Variants in PLCL2 observed in about 807,000 individuals in gnomAD.
PLCL2 encodes inactive phospholipase C-like protein 2.
A neutral mutation model predicts 79.6 loss-of-function variants in PLCL2; 4 were observed. The ratio of observed to expected loss-of-function variants is 0.05; its 90% CI spans 0.02 to 0.11. PLCL2 has a LOEUF of 0.11. Ranked by LOEUF, PLCL2 falls within the 10% of genes least tolerant of loss-of-function variation. The pLI is 1.00. For missense variants in PLCL2, 895 were observed against 1,291.0 expected, an observed-to-expected ratio of 0.69 and a Z score of 4.70; for synonymous variants, 484 against 457.7, an observed-to-expected ratio of 1.06 and a Z score of -0.73.
chr3:16,966,835 T>A (rs953042641), intron 1 of PLCL2, among the ~76,000 whole-genome samples: 2 of 152,116 alleles, frequency 1.3e-5, no homozygotes, highest in Admixed American at 1.3e-4. Flanking sequence ...AGTTCAGAGG[T>A]CACGGGAGTT....
At chr3:16,926,478 ATTG>A (rs1161159831) in intron 1 of PLCL2, among the ~76,000 whole-genome samples, 1 of 152,120 alleles carries the variant, frequency 6.6e-6, no homozygotes, top group Admixed American at 6.5e-5. Context: ...AATGTTAACT[ATTG>A]TTATTATTAT....
chr3:16,951,762 A>T (rs937704536), intron 1 of PLCL2, among the ~76,000 whole-genome samples: 1 of 151,998 alleles, frequency 6.6e-6, no homozygotes, highest in Non-Finnish European at 1.5e-5. Flanking sequence ...TTTTACTTTG[A>T]CCTAAAAGTT....
In PLCL2 at chr3:17,082,139, G is replaced by GTTTT. The variant is rs58877063; in HGVS notation, c.3205-7576_3205-7573dup. Among the ~76,000 whole-genome samples, 820 of 101,254 alleles carry GTTTT rather than the reference G, an allele frequency of 8.1e-3. 39 individuals carry two copies. In the East Asian group the frequency reaches 0.12, roughly 15 times the overall value. 66.4% of individuals were successfully genotyped at this position (101,254 alleles called of 152,430 possible). ...AACAAACACCCCCACCTCTTTCAGAGTTTTTTTTTTTTTTTTTTTTTGAGA... is the reference window on the plus strand; with the variant it reads ...AACAAACACCCCCACCTCTTTCAGAGTTTTTTTTTTTTTTTTTTTTTTTTTGAGA... On this transcript the variant is annotated intron_variant, in intron 5 of 5. Transcript: ENST00000615277.
At chr3:16,901,914 G>C (rs1311648322) in intron 1 of PLCL2, among the ~76,000 whole-genome samples, 1 of 152,180 alleles carries the variant, frequency 6.6e-6, no homozygotes, top group Non-Finnish European at 1.5e-5. Flanking sequence ...AGGGCTGTCT[G>C]TGCCACACAG....
chr3:17,085,138 GA>G (rs56675312), intron 5 of PLCL2, among the ~76,000 whole-genome samples: 19 of 150,070 alleles, frequency 1.3e-4, no homozygotes, highest in African/African-American at 1.7e-4. Context: ...CTTTTTTTAA[GA>G]AAAAAAAAAT....
intron 4 of PLCL2, among the ~76,000 whole-genome samples, chr3:17,064,501 T>G (rs1273994761): frequency 6.6e-6 from 1 of 152,224 alleles, no homozygotes; most frequent in East Asian, 1.9e-4. Flanking sequence ...GTATGTGAAG[T>G]GCCTGGTAAG....
intron 1 of PLCL2, among the ~76,000 whole-genome samples, chr3:16,941,523 G>C (rs1348608378): frequency 6.6e-6 from 1 of 152,170 alleles, no homozygotes. Flanking sequence ...GCCTGTCACA[G>C]TATGTGCTGT....
chr3:17,070,162 G>A (rs926836648), intron 5 of PLCL2, among the ~76,000 whole-genome samples: 2 of 152,114 alleles, frequency 1.3e-5, no homozygotes, highest in Non-Finnish European at 2.9e-5. Context: ...GGGCCTCAGA[G>A]GGGAACTTGT....
intron 1 of PLCL2, among the ~76,000 whole-genome samples, chr3:16,994,371 A>T (rs1036975734): frequency 8.6e-5 from 13 of 151,166 alleles, no homozygotes; most frequent in Non-Finnish European, 1.5e-4. Flanking sequence ...GCTTTTAATT[A>T]AAAAAAAATG....
chr3:17,013,517 TTAAA>T (rs2064351139), intron 2 of PLCL2, among the ~76,000 whole-genome samples: 1 of 152,202 alleles, frequency 6.6e-6, no homozygotes, highest in Admixed American at 6.5e-5. Flanking sequence ...GAACTGCACT[TTAAA>T]TATCACAGTC....
chr3:16,964,798 G>A (rs1223199233), intron 1 of PLCL2, among the ~76,000 whole-genome samples: 1 of 152,012 alleles, frequency 6.6e-6, no homozygotes, highest in Non-Finnish European at 1.5e-5. Context: ...TCATGTGTCT[G>A]TTGGCTGCAT....
chr3:16,958,794 C>T (rs1397751950), intron 1 of PLCL2, among the ~76,000 whole-genome samples: 1 of 152,174 alleles, frequency 6.6e-6, no homozygotes, highest in Non-Finnish European at 1.5e-5. Context: ...TGAGAATGCA[C>T]ATCTGTGTCA....
chr3:17,060,885 A>G (rs2064945574), intron 4 of PLCL2, among the ~76,000 whole-genome samples: 1 of 152,124 alleles, frequency 6.6e-6, no homozygotes, highest in South Asian at 2.1e-4. Context: ...CATTTAAAAG[A>G]TTTTAGCTTT....
intron 3 of PLCL2, among the ~76,000 whole-genome samples, chr3:17,029,426 G>A (rs2064557581): frequency 6.6e-6 from 1 of 151,928 alleles, no homozygotes; most frequent in African/African-American, 2.4e-5. Flanking sequence ...AAATGTGAGG[G>A]CCCCTAGTTA....
chr3:16,946,310 A>G (rs1378956011), intron 1 of PLCL2, among the ~76,000 whole-genome samples: 1 of 152,060 alleles, frequency 6.6e-6, no homozygotes, highest in Non-Finnish European at 1.5e-5. Flanking sequence ...TCGGAATTCC[A>G]CAGAAGAGAG....
intron 4 of PLCL2, among the ~76,000 whole-genome samples, chr3:17,056,025 G>A (rs1374687284): frequency 6.6e-6 from 1 of 152,126 alleles, no homozygotes; most frequent in East Asian, 1.9e-4. Flanking sequence ...CCAACACTGT[G>A]CTCTCTTGTC....
At position 16,957,818 on chromosome 3, in the gene PLCL2, T is replaced by C. The variant is rs548756477; in HGVS notation, c.328-51856T>C. 1.4e-3 allele frequency among the ~76,000 whole-genome samples: 217 copies of C among 152,332 alleles called. 1 individual carries two copies. The highest frequency in any genetic ancestry group is 5.1e-3 in the African/African-American group (211 of 41,572). ...TTATCTCTTTTGATCTTTGTTGGTT[T>C]AAAGTCTGTTTTATCAGAGACTAGG... is the stretch of plus-strand genomic sequence containing the variant. On this transcript the variant is annotated intron_variant, in intron 1 of 5. Transcript: ENST00000615277.
chr3:17,018,488 T>C (rs186798179), intron 3 of PLCL2, among the ~76,000 whole-genome samples: 30 of 152,292 alleles, frequency 2.0e-4, no homozygotes, highest in Admixed American at 5.9e-4. Context: ...CCTCTCTGCC[T>C]CTCTTAATGG....
intron 4 of PLCL2, chr3:17,044,262 G>A (rs11926952): frequency 0.58 from 87,941 of 152,140 alleles, 25,713 homozygotes; most frequent in South Asian, 0.65. Context: ...GGGATGGTGA[G>A]CCATCTACCC....
Sources: allele counts gnomAD v4.1 joint callset (sites outside exome capture counted in the v4.1 genomes callset), GRCh38; gene constraint gnomAD v4.1.1; transcripts MANE v1.5; gene names NCBI Gene and HGNC (gene_info 2026-07-23, HGNC 2026-07-21).